The following CHIA variants were observed in gnomAD, a reference collection of about 807,000 sequenced individuals.
CHIA encodes the protein chitinase acidic.
Under a neutral mutation model 53.5 loss-of-function variants are expected in CHIA, and 47 were observed. That is an observed-to-expected ratio of 0.88 (90% confidence interval 0.70 to 1.12). The LOEUF is 1.12. Among genes scored for constraint, CHIA ranks in the 50% most tolerant of loss-of-function variants. The pLI is 0.00. For missense variants in CHIA, 652 were observed against 592.2 expected, an observed-to-expected ratio of 1.10 and a Z score of -1.05; for synonymous variants, 268 against 222.2, an observed-to-expected ratio of 1.21 and a Z score of -1.83.
At position 111,319,376 on chromosome 1, in the gene CHIA, T is replaced by C. The variant is rs1355157747; in HGVS notation, c.1085T>C (p.Ile362Thr). 5 of 1,614,184 alleles carry C rather than the reference T, an allele frequency of 3.1e-6. No individual in the cohort carries two copies. The East Asian group carries it at 6.7e-5, about 22-fold the overall frequency. Residue 362 changes from isoleucine to threonine, a missense_variant, in exon 11 of 12, where the codon ATT (isoleucine) becomes ACT (threonine). By Grantham distance (89) the Ile-to-Thr change is moderately conservative (BLOSUM62 -1). Transcript: ENST00000369740. ...NKFGGAMVWAIDLDDFTGTFC... is the reference protein window; with the variant it reads ...NKFGGAMVWATDLDDFTGTFC... ...TTTGGAGGCGCCATGGTCTGGGCCATTGATCTGGATGACTTCACTGGCACT... is the reference window on the plus strand; with the variant it reads ...TTTGGAGGCGCCATGGTCTGGGCCACTGATCTGGATGACTTCACTGGCACT...
In CHIA at chr1:111,297,901, C is replaced by CAAAAAAAA. The variant is rs1188512345; in HGVS notation, c.-69+6968_-69+6975dup. 3.3e-3 allele frequency among the ~76,000 whole-genome samples: 106 copies of CAAAAAAAA among 31,834 alleles called. 5 individuals carry two copies. Among genetic ancestry groups the CAAAAAAAA allele is most frequent in the South Asian group, 4.5e-3 (2 of 444 alleles). The allele number at this position is 31,834 out of a possible 152,430, so 20.9% of individuals were successfully genotyped here. On this transcript the variant is annotated intron_variant, in intron 1 of 11. Transcript: ENST00000369740. ...GAAGATCTACCAAGCAAATGGAAAGCAAAAAAAAAAAAAAAAAAAAAAAAC... is the reference window on the plus strand; with the variant it reads ...GAAGATCTACCAAGCAAATGGAAAGCAAAAAAAAAAAAAAAAAAAAAAAAAAAAAAAAC...
rs1266342181 is a variant in CHIA, at chr1:111,314,575, G to A, written c.293G>A (p.Gly98Asp). ...CTGAAAACTCTCCTGGCCATTGGAG[G>A]CTGGAACTTCGGGACTGCCCCGTAA... is the stretch of plus-strand genomic sequence containing the variant. ...SQLKTLLAIG[G>D]WNFGTAPFTA... The change falls in exon 5 of 12, where the codon GGC (glycine) becomes GAC (aspartate). Residue 98 changes from glycine to aspartate, a missense_variant. Physicochemically the swap from Gly to Asp is moderately conservative, Grantham distance 94 (BLOSUM62 -1). Transcript: ENST00000369740. The A allele has an allele frequency of 6.2e-7, 1 of 1,613,584 alleles. No individual in the cohort carries two copies.
At chr1:111,295,700 G>A (rs1176288438) in intron 1 of CHIA, among the ~76,000 whole-genome samples, 1 of 151,800 alleles carries the variant, frequency 6.6e-6, no homozygotes, top group African/African-American at 2.4e-5. Context: ...TCATCTCATT[G>A]GGACTGGTTG....
chr1:111,314,369 C>T (rs930910519), intron 4 of CHIA, among the ~76,000 whole-genome samples, 171 bp from the exon 5 acceptor site: 2 of 152,136 alleles, frequency 1.3e-5, no homozygotes, highest in African/African-American at 4.8e-5. Flanking sequence ...GCATTCATGA[C>T]AGGAACAACA....
Position 111,318,599 on chromosome 1 carries a change from C to T in CHIA, c.836C>T (p.Thr279Ile), listed in dbSNP as rs527938483. 1 of 1,614,222 alleles carries T rather than the reference C, an allele frequency of 6.2e-7. No individual in the cohort carries two copies. The highest frequency in any genetic ancestry group is 1.1e-5 in the South Asian group (1 of 91,086). The change falls in exon 9 of 12, where the codon ACT (threonine) becomes ATT (isoleucine). Residue 279 changes from threonine to isoleucine, a missense_variant. Thr to Ile is a moderately conservative substitution (Grantham distance 89). Coordinates refer to ENST00000369740, the MANE Select transcript of CHIA (RefSeq NM_201653.4). ...HNFILSNPSN[T>I]GIGAPTSGAG... ...TTCATCCTGAGCAACCCCTCCAACA[C>T]TGGAATTGGTGCCCCCACCTCTGGT...
Position 111,309,552 on chromosome 1 carries a change from T to G in CHIA, c.-68-848T>G, listed in dbSNP as rs2101633155. 1.3e-5 allele frequency among the ~76,000 whole-genome samples: 2 copies of G among 152,348 alleles called. 1 individual carries two copies. Among genetic ancestry groups the G allele is most frequent in the Non-Finnish European group, 2.9e-5 (2 of 68,040 alleles). On this transcript the variant is annotated intron_variant, in intron 1 of 11. Transcript: ENST00000369740. The stretch of plus-strand genomic sequence containing the variant: ...ATAGGCAGTGAGGATAAGGAGACAC[T>G]GCAGGCAAGACATTACAGGCAAGGA...
Position 111,318,748 on chromosome 1 carries a change from A to T in CHIA, c.915+70A>T, listed in dbSNP as rs976131068. The T allele has an allele frequency of 2.2e-4, 321 of 1,484,304 alleles. 2 individuals carry two copies. In the Middle Eastern group the frequency reaches 3.2e-3, roughly 15 times the overall value. The allele number at this position is 1,484,304 out of a possible 1,614,324, so 91.9% of individuals were successfully genotyped here. ...GTGCCTTAGGGCTAGAATCTGCTGA[A>T]ATCTTGAATGTTCATTCTGTCTCCT... On this transcript the variant is annotated intron_variant, in intron 9 of 11. Coordinates refer to ENST00000369740, the MANE Select transcript of CHIA (RefSeq NM_201653.4).
chr1:111,296,718 A>G (rs1661362774), intron 1 of CHIA, among the ~76,000 whole-genome samples: 1 of 152,248 alleles, frequency 6.6e-6, no homozygotes, highest in Non-Finnish European at 1.5e-5. Context: ...TGGACGGAGA[A>G]TATGTTTGAT....
intron 1 of CHIA, among the ~76,000 whole-genome samples, chr1:111,294,777 C>T (rs1661238992): frequency 6.6e-6 from 1 of 152,164 alleles, no homozygotes; most frequent in Non-Finnish European, 1.5e-5. Context: ...ACTTTTTCTG[C>T]ATCAATTGAG....
chr1:111,312,139 C>A (rs1467569637), intron 3 of CHIA, 51 bp from the exon 4 acceptor site: 1 of 1,484,644 alleles, frequency 6.7e-7, no homozygotes, highest in South Asian at 1.1e-5. Context: ...TCACAGCACA[C>A]TTCAGTGGAT....
intron 7 of CHIA, 71 bp downstream of exon 7, chr1:111,317,876 G>C: frequency 1.2e-6 from 2 of 1,610,542 alleles, no homozygotes; most frequent in Non-Finnish European, 1.7e-6. Context: ...CCTTGGTCTG[G>C]CTTGCTATTC....
chr1:111,295,738 A>G (rs1009660090), intron 1 of CHIA, among the ~76,000 whole-genome samples: 10 of 152,114 alleles, frequency 6.6e-5, no homozygotes, highest in African/African-American at 2.2e-4. Context: ...ACGGAGGGTG[A>G]GCCAAAGCAG....
intron 4 of CHIA, among the ~76,000 whole-genome samples, chr1:111,313,935 T>G (rs1296395239): frequency 6.6e-6 from 1 of 152,208 alleles, no homozygotes; most frequent in African/African-American, 2.4e-5. Context: ...ATAAACTCCT[T>G]TACGGCAGTG....
intron 1 of CHIA, among the ~76,000 whole-genome samples, chr1:111,302,216 T>G (rs1647815095): frequency 6.6e-6 from 1 of 152,182 alleles, no homozygotes; most frequent in African/African-American, 2.4e-5. Context: ...TTTTATTTTA[T>G]TGATTTTCTC....
chr1:111,293,402 A>G (rs1381402079), intron 1 of CHIA, among the ~76,000 whole-genome samples: 1 of 151,948 alleles, frequency 6.6e-6, no homozygotes, highest in Non-Finnish European at 1.5e-5. Context: ...TAGATATTCA[A>G]GTCCTTTGTC....
chr1:111,315,641 C>A, intron 6 of CHIA: 1 of 603,936 alleles, frequency 1.7e-6, no homozygotes, highest in Non-Finnish European at 3.0e-6. Context: ...CCAGGCACTG[C>A]TCTACATGTT....
At chr1:111,317,425 G>T (rs545558003) in intron 6 of CHIA, 3 of 371,336 alleles carry the variant, frequency 8.1e-6, no homozygotes, top group East Asian at 1.1e-4. Flanking sequence ...CCTGGGTTTT[G>T]GTCATGACCT....
In CHIA at chr1:111,318,546, C is replaced by A; in HGVS notation, c.783C>A (p.Ile261=). The change falls in exon 9 of 12, where the codon ATC becomes ATA. Residue 261 remains isoleucine (I), a synonymous_variant. Coordinates refer to ENST00000369740, the MANE Select transcript of CHIA (RefSeq NM_201653.4). Reference sequence around the variant, plus strand: ...ATGGAGCACCAGCTGAGAAGCTCATCGTTGGATTCCCTACCTATGGACACA... The same window carrying A: ...ATGGAGCACCAGCTGAGAAGCTCATAGTTGGATTCCCTACCTATGGACACA... ...KDNGAPAEKL[I]VGFPTYGHNF... is the part of the protein sequence containing the mutation. 1 of 1,614,184 alleles carries A rather than the reference C, an allele frequency of 6.2e-7. No homozygotes were observed. The highest frequency in any genetic ancestry group is 1.1e-5 in the South Asian group (1 of 91,080).
intron 1 of CHIA, among the ~76,000 whole-genome samples, chr1:111,301,768 G>T (rs1034346201): frequency 2.8e-4 from 42 of 149,968 alleles, no homozygotes; most frequent in Non-Finnish European, 4.9e-4. Context: ...TGAAGCTGAA[G>T]CTGGAAACCA....
Sources: gnomAD v4.1 joint callset for allele counts (sites outside exome capture counted in the v4.1 genomes callset) on GRCh38, gnomAD v4.1.1 for gene constraint, MANE v1.5 for transcripts, NCBI Gene and HGNC (gene_info 2026-07-23, HGNC 2026-07-21) for gene names.